FAM120C: variants seen among roughly 807,000 people sequenced by gnomAD.
FAM120C encodes the protein family with sequence similarity 120 member C.
Under a neutral mutation model 71.2 loss-of-function variants are expected in FAM120C, and 14 were observed. That is an observed-to-expected ratio of 0.20 (90% CI 0.13 to 0.31). The LOEUF (loss-of-function observed/expected upper bound fraction) is 0.31. Ranked by LOEUF, FAM120C falls within the 10% of genes least tolerant of loss-of-function variation. FAM120C has a pLI of 1.00. For missense variants in FAM120C, 500 were observed against 879.0 expected, an observed-to-expected ratio of 0.57 and a Z score of 5.45; for synonymous variants, 354 against 353.2, an observed-to-expected ratio of 1.00 and a Z score of -0.03.
intron 1 of FAM120C, among the ~76,000 whole-genome samples, chrX:54,181,787 T>A (rs1387225871): frequency 1.8e-5 from 2 of 112,318 alleles, no homozygotes; most frequent in Non-Finnish European, 3.8e-5. Context: ...CCATAAGGCA[T>A]AATCACATAC....
chrX:54,171,248 A>C (rs905499379), intron 1 of FAM120C, among the ~76,000 whole-genome samples: 12 of 110,887 alleles, frequency 1.1e-4, no homozygotes, highest in African/African-American at 2.3e-4. Context: ...CAAACAAAAC[A>C]AAACCTTAAA....
chrX:54,113,822 A>T, intron 10 of FAM120C, among the ~76,000 whole-genome samples: 1 of 110,593 alleles, frequency 9.0e-6, no homozygotes, highest in East Asian at 2.9e-4. Flanking sequence ...AGGCTGAGGC[A>T]GGAGAACTGC....
At chrX:54,094,567 T>TA (rs782768800) in intron 10 of FAM120C, among the ~76,000 whole-genome samples, 1 of 108,960 alleles carries the variant, frequency 9.2e-6, no homozygotes, top group South Asian at 4.0e-4. Context: ...GGCTAGTCTT[T>TA]TTGTAGAGAC....
chrX:54,163,925 C>CAT (rs1397391040), intron 1 of FAM120C, among the ~76,000 whole-genome samples: 26 of 104,661 alleles, frequency 2.5e-4, no homozygotes, highest in South Asian at 8.4e-4. Flanking sequence ...TGTATATATA[C>CAT]ATATATATAT....
intron 10 of FAM120C, among the ~76,000 whole-genome samples, chrX:54,094,264 AT>A (rs1403614008): frequency 2.8e-5 from 3 of 106,829 alleles, no homozygotes; most frequent in Non-Finnish European, 5.8e-5. Context: ...CGCCTGGCTA[AT>A]TTTTTGTATT....
At chrX:54,102,771 G>A (rs1470699825) in intron 10 of FAM120C, among the ~76,000 whole-genome samples, 2 of 82,943 alleles carry the variant, frequency 2.4e-5, no homozygotes, top group African/African-American at 9.0e-5. Flanking sequence ...GCTGGCTGGA[G>A]TGCAGTGGCG....
intron 1 of FAM120C, among the ~76,000 whole-genome samples, chrX:54,166,057 G>A (rs1557135126): frequency 9.0e-6 from 1 of 110,923 alleles, no homozygotes; most frequent in Non-Finnish European, 1.9e-5. Flanking sequence ...AACTTACAGT[G>A]CAGAGGACTA....
At chrX:54,077,939 C>CTTTTTTTT (rs1194855968) in intron 15 of FAM120C, among the ~76,000 whole-genome samples, 9 of 55,309 alleles carry the variant, frequency 1.6e-4, no homozygotes, top group Non-Finnish European at 2.3e-4. Flanking sequence ...AAGATCTACT[C>CTTTTTTTT]TTTTTTTTTT....
chrX:54,126,352 C>T (rs1186919398), intron 9 of FAM120C, among the ~76,000 whole-genome samples: 6 of 112,043 alleles, frequency 5.4e-5, no homozygotes, highest in Admixed American at 4.8e-4. Flanking sequence ...TTGAGCTACA[C>T]GGGTCCACTT....
At chrX:54,092,610 G>C (rs2066830302) in intron 10 of FAM120C, among the ~76,000 whole-genome samples, 1 of 110,794 alleles carries the variant, frequency 9.0e-6, no homozygotes, top group South Asian at 3.8e-4. Flanking sequence ...AAATAAAAAA[G>C]AAAGTAGACC....
intron 12 of FAM120C, 44 bp downstream of exon 12, chrX:54,087,711 A>T (rs1341567375): frequency 8.7e-7 from 1 of 1,147,683 alleles, no homozygotes; most frequent in Non-Finnish European, 1.2e-6. Context: ...ATTCACTCCC[A>T]CAGGAGATCA....
At chrX:54,101,460 C>T in intron 10 of FAM120C, among the ~76,000 whole-genome samples, 1 of 112,074 alleles carries the variant, frequency 8.9e-6, no homozygotes, top group Non-Finnish European at 1.9e-5. Context: ...AGTGGTGGCT[C>T]CTCTGCACCC....
chrX:54,171,677 A>T (rs1169529866), intron 1 of FAM120C: 1 of 112,050 alleles, frequency 8.9e-6, no homozygotes, highest in East Asian at 2.8e-4. Context: ...ACTTCAAGTG[A>T]CTAATTTGAT....
At chrX:54,080,853 T>A (rs1557121197) in intron 14 of FAM120C, among the ~76,000 whole-genome samples, 1 of 61,131 alleles carries the variant, frequency 1.6e-5, no homozygotes, top group Admixed American at 2.8e-4. Flanking sequence ...CAAGTGAAAC[T>A]CCATCTCAAG....
At chrX:54,125,564 CCAAAGTGCTGGGATTA>C (rs782265614) in intron 9 of FAM120C, among the ~76,000 whole-genome samples, 1 of 112,910 alleles carries the variant, frequency 8.9e-6, no homozygotes, top group Non-Finnish European at 1.9e-5. Context: ...CCTTGGCTTC[CCAAAGTGCTGGGATTA>C]CAAGCGTGAG....
At position 54,156,697 on chromosome X, in the gene FAM120C, G is replaced by A. The variant is rs140186533; in HGVS notation, c.1029+992C>T. On this transcript the variant is annotated intron_variant, in intron 3 of 15. Coordinates refer to ENST00000375180, the MANE Select transcript of FAM120C (RefSeq NM_017848.6). ...AGATCAAGAGTTCGAGACCAGCCTC[G>A]CCAACACAGTGAAACCCTGTCTCTA... 4.8e-3 allele frequency among the ~76,000 whole-genome samples: 515 copies of A among 107,796 alleles called. 2 individuals are homozygous for A. The highest frequency in any genetic ancestry group is 0.016 in the African/African-American group (475 of 29,616). The allele number at this position is 107,796 out of a possible 115,157, so 93.6% of individuals were successfully genotyped here.
intron 10 of FAM120C, among the ~76,000 whole-genome samples, chrX:54,108,845 G>A (rs1419144173): frequency 2.1e-5 from 2 of 96,669 alleles, no homozygotes; most frequent in African/African-American, 3.8e-5. Flanking sequence ...CAGGAGAATC[G>A]CTTGAACCCA....
intron 4 of FAM120C, among the ~76,000 whole-genome samples, chrX:54,140,096 C>G (rs2067116564): frequency 9.2e-6 from 1 of 108,459 alleles, no homozygotes; most frequent in Non-Finnish European, 1.9e-5. Context: ...GAGTTCGAGA[C>G]TAGCCCAGGA....
chrX:54,133,844 C>G lies in FAM120C; in HGVS notation c.1819G>C (p.Val607Leu). ...TGTCTGTGTTCAGCAACTCTCAAGA[C>G]TTCTGGAGCTACTGGAGGTAAGGGT... The part of the protein sequence containing the change: ...IPPLPPVAPE[V>L]LRVAEHRHRR... The change falls in exon 8 of 16, where the codon GTC becomes CTC. Residue 607 changes from valine (V) to leucine (L), a missense_variant. Transcript: ENST00000375180. The G allele has an allele frequency of 8.3e-7, 1 of 1,211,235 alleles. No homozygotes were observed. The highest frequency in any genetic ancestry group is 1.8e-5 in the South Asian group (1 of 56,919).
Sources: gnomAD v4.1 joint callset for allele counts (sites outside exome capture counted in the v4.1 genomes callset) on GRCh38, gnomAD v4.1.1 for gene constraint, MANE v1.5 for transcripts, NCBI Gene and HGNC (gene_info 2026-07-23, HGNC 2026-07-21) for gene names.